Variants in PTPRD observed in about 807,000 individuals in gnomAD.
The protein encoded by PTPRD is receptor-type tyrosine-protein phosphatase delta.
Under a neutral mutation model 214.5 loss-of-function variants are expected in PTPRD, and 34 were observed. That is an observed-to-expected ratio of 0.16 (90% CI 0.12 to 0.21). PTPRD has a LOEUF of 0.21. Among genes scored for constraint, PTPRD ranks in the 10% least tolerant of loss-of-function variants. The pLI is 1.00. For missense variants in PTPRD, 2,545 were observed against 2,398.7 expected (o/e 1.06, Z -1.27); for synonymous variants, 1,128 against 845.7 (o/e 1.33, Z -5.79).
At chr9:9,027,051 CT>C (rs748434906) in intron 10 of PTPRD, among the ~76,000 whole-genome samples, 19 of 151,516 alleles carry the variant, frequency 1.3e-4, no homozygotes, top group Non-Finnish European at 2.1e-4. Flanking sequence ...CCTCTCTATC[CT>C]TGGCTCTGGC....
intron 9 of PTPRD, among the ~76,000 whole-genome samples, chr9:9,212,857 G>C (rs1481354942): frequency 6.6e-6 from 1 of 152,038 alleles, no homozygotes; most frequent in Non-Finnish European, 1.5e-5. Flanking sequence ...AAGGGATTAG[G>C]AGTTAGATCT....
chr9:8,695,512 C>A (rs1264228325), intron 12 of PTPRD, among the ~76,000 whole-genome samples: 22 of 151,476 alleles, frequency 1.5e-4, no homozygotes, highest in Non-Finnish European at 3.2e-4. Flanking sequence ...CAATGTCTGT[C>A]AATAGTCTGT....
intron 21 of PTPRD, among the ~76,000 whole-genome samples, chr9:8,516,588 A>G (rs1019959666): frequency 2.2e-4 from 34 of 152,268 alleles, no homozygotes; most frequent in African/African-American, 7.9e-4. Context: ...ATTATCTAGT[A>G]CTGGCATCTG....
chr9:8,727,254 A>T (rs912321427), intron 12 of PTPRD, among the ~76,000 whole-genome samples: 1 of 152,236 alleles, frequency 6.6e-6, no homozygotes, highest in East Asian at 1.9e-4. Flanking sequence ...TCAATAAAAA[A>T]TGCTTTGAAA....
At position 9,886,969 on chromosome 9, in the gene PTPRD, C is replaced by A. The variant is rs531348147; in HGVS notation, c.-368+51538G>T. 5.9e-5 allele frequency among the ~76,000 whole-genome samples: 9 copies of A among 152,180 alleles called. No homozygotes were observed. The East Asian group carries it at 1.7e-3, about 30-fold the overall frequency. On this transcript the variant is annotated intron_variant, in intron 5 of 45. Coordinates refer to ENST00000381196, the MANE Select transcript of PTPRD (RefSeq NM_002839.4). ...CTGACTTGCATCCACACCACTGTCCCCAAACACCTCCCAAATTCCTGATCC... is the reference window on the plus strand; with the variant it reads ...CTGACTTGCATCCACACCACTGTCCACAAACACCTCCCAAATTCCTGATCC...
At chr9:8,607,172 T>A (rs1388960360) in intron 14 of PTPRD, among the ~76,000 whole-genome samples, 1 of 152,120 alleles carries the variant, frequency 6.6e-6, no homozygotes, top group African/African-American at 2.4e-5. Flanking sequence ...AGGGCGGATA[T>A]AAAGAATTCT....
chr9:9,578,343 A>G (rs1241528921), intron 7 of PTPRD, among the ~76,000 whole-genome samples: 3 of 152,022 alleles, frequency 2.0e-5, no homozygotes, highest in Non-Finnish European at 4.4e-5. Context: ...CCTTTAATGA[A>G]TGGATTTATT....
chr9:8,935,330 GA>G (rs1306684708), intron 11 of PTPRD, among the ~76,000 whole-genome samples: 6 of 152,068 alleles, frequency 3.9e-5, no homozygotes, highest in African/African-American at 1.4e-4. Flanking sequence ...AAGAAATTAA[GA>G]AAGCAATCTA....
intron 6 of PTPRD, among the ~76,000 whole-genome samples, chr9:9,766,074 C>A (rs1489386368): frequency 6.6e-6 from 1 of 152,218 alleles, no homozygotes; most frequent in African/African-American, 2.4e-5. Context: ...CAGTTGTCAT[C>A]CTCCTTCACG....
At chr9:9,573,353 C>A (rs967075707) in intron 8 of PTPRD, among the ~76,000 whole-genome samples, 1 of 150,840 alleles carries the variant, frequency 6.6e-6, no homozygotes, top group Non-Finnish European at 1.5e-5. Flanking sequence ...ATTGCTTATG[C>A]TCTATAGGTT....
In PTPRD at chr9:9,009,744, C is replaced by A. The variant is rs180866743; in HGVS notation, c.-104+8953G>T. 3.1e-3 allele frequency among the ~76,000 whole-genome samples: 478 copies of A among 152,156 alleles called. 4 individuals are homozygous for A. Among genetic ancestry groups the A allele is most frequent in the Non-Finnish European group, 5.3e-3 (361 of 68,010 alleles). ...ATGTATGTGCCAATTTGGAAATATT[C>A]TAGCTCACATCTAGGCATAAAGCAT... On this transcript the variant is annotated intron_variant, in intron 11 of 45. Transcript: ENST00000381196.
At chr9:9,826,260 T>A (rs972684312) in intron 5 of PTPRD, among the ~76,000 whole-genome samples, 1 of 151,856 alleles carries the variant, frequency 6.6e-6, no homozygotes, top group African/African-American at 2.4e-5. Context: ...TTCTTTCTAG[T>A]TCAGTCTTCA....
chr9:10,599,344 T>C (rs1240486161), intron 2 of PTPRD, among the ~76,000 whole-genome samples: 2 of 151,852 alleles, frequency 1.3e-5, no homozygotes, highest in African/African-American at 2.4e-5. Context: ...TTGTTTCCTA[T>C]ACTTGTTTGG....
chr9:9,061,988 T>G (rs767425507), intron 10 of PTPRD, among the ~76,000 whole-genome samples: 6 of 151,976 alleles, frequency 3.9e-5, no homozygotes, highest in Non-Finnish European at 8.8e-5. Context: ...AAAAGATGCC[T>G]CTGAACATGA....
At chr9:9,602,565 T>C (rs2093852682) in intron 7 of PTPRD, among the ~76,000 whole-genome samples, 2 of 152,258 alleles carry the variant, frequency 1.3e-5, no homozygotes, top group East Asian at 1.9e-4. Flanking sequence ...TTAAATGAGG[T>C]AGTACCTGAG....
chr9:9,431,405 C>G (rs2083065051), intron 8 of PTPRD, among the ~76,000 whole-genome samples: 1 of 152,114 alleles, frequency 6.6e-6, no homozygotes, highest in Admixed American at 6.6e-5. Context: ...CAGGAAACAA[C>G]AGGTGCTGGA....
intron 14 of PTPRD, among the ~76,000 whole-genome samples, chr9:8,623,620 A>G (rs1046431732): frequency 5.3e-5 from 8 of 151,778 alleles, no homozygotes; most frequent in Non-Finnish European, 1.0e-4. Context: ...CACAACAACA[A>G]CTCACATTTC....
chr9:10,054,863 A>G (rs190716602), intron 3 of PTPRD, among the ~76,000 whole-genome samples: 2 of 152,230 alleles, frequency 1.3e-5, no homozygotes, highest in Admixed American at 1.3e-4. Flanking sequence ...CTCAAAATCC[A>G]TATGTTGAAG....
intron 10 of PTPRD, among the ~76,000 whole-genome samples, chr9:9,056,721 C>T (rs2099696895): frequency 1.3e-5 from 2 of 152,326 alleles, no homozygotes; most frequent in Non-Finnish European, 2.9e-5. Flanking sequence ...TCTTCTCTAC[C>T]ACCAAGTCTT....
Sources: gnomAD v4.1 joint callset for allele counts (sites outside exome capture counted in the v4.1 genomes callset) on GRCh38, gnomAD v4.1.1 for gene constraint, MANE v1.5 for transcripts, NCBI Gene and HGNC (gene_info 2026-07-23, HGNC 2026-07-21) for gene names.